The following ADAMTSL1 variants were observed in gnomAD, a reference collection of about 807,000 sequenced individuals.
ADAMTSL1 encodes ADAMTS like 1.
A neutral mutation model predicts 201.8 loss-of-function variants in ADAMTSL1; 126 were observed. The ratio of observed to expected loss-of-function variants is 0.62; its 90% CI spans 0.54 to 0.72. The LOEUF (loss-of-function observed/expected upper bound fraction) is 0.72. Ranked by LOEUF, ADAMTSL1 falls within the 30% of genes least tolerant of loss-of-function variation. ADAMTSL1 has a pLI of 0.00. For synonymous variants in ADAMTSL1, 1,121 were observed against 903.4 expected (o/e 1.24, Z -4.32); for missense variants, 2,679 against 2,277.8 (o/e 1.18, Z -3.59).
At chr9:18,361,190 A>G (rs1563912402) in intron 2 of ADAMTSL1, among the ~76,000 whole-genome samples, 1 of 152,342 alleles carries the variant, frequency 6.6e-6, no homozygotes, top group Non-Finnish European at 1.5e-5. Context: ...AACCATCTGT[A>G]ATGTATCTAG....
intron 2 of ADAMTSL1, among the ~76,000 whole-genome samples, chr9:18,342,080 AT>A (rs1224755955): frequency 3.3e-5 from 5 of 151,928 alleles, no homozygotes; most frequent in African/African-American, 9.7e-5. Flanking sequence ...TCATGCTGCC[AT>A]TTTTTCCCAC....
intron 23 of ADAMTSL1, among the ~76,000 whole-genome samples, chr9:18,838,026 T>G (rs779255115): frequency 6.6e-6 from 1 of 152,152 alleles, no homozygotes; most frequent in Non-Finnish European, 1.5e-5. Context: ...GTTTTCATGC[T>G]GCTGTTTTCT....
intron 1 of ADAMTSL1, among the ~76,000 whole-genome samples, chr9:18,031,871 G>A (rs1024728391): frequency 2.0e-5 from 3 of 152,232 alleles, no homozygotes; most frequent in African/African-American, 7.2e-5. Context: ...ATGTCTGTGA[G>A]TGGTCTGATG....
At position 18,740,478 on chromosome 9, in the gene ADAMTSL1, CT is replaced by C. The variant is rs11449360; in HGVS notation, c.2007-12803del. 8.4e-3 allele frequency among the ~76,000 whole-genome samples: 884 copies of C among 105,598 alleles called. 63 individuals are homozygous for C. The highest frequency in any genetic ancestry group is 0.027 in the African/African-American group (734 of 27,362). The allele number at this position is 105,598 out of a possible 152,430, so 69.3% of individuals were successfully genotyped here. A position where few individuals can be genotyped will look rare whatever the true frequency, so the allele number is the denominator to read the frequency against. Reference sequence around the variant, plus strand: ...CTTTCTTTTTTTTTTTTTCTTTTATCTTTTTTTTTTTTTTTTTGAGAGGAGT... The same window carrying C: ...CTTTCTTTTTTTTTTTTTCTTTTATCTTTTTTTTTTTTTTTTGAGAGGAGT... On this transcript the variant is annotated intron_variant, in intron 15 of 28. Transcript: ENST00000380548.
chr9:18,516,592 T>C (rs1000540793), intron 2 of ADAMTSL1, among the ~76,000 whole-genome samples: 2 of 152,248 alleles, frequency 1.3e-5, no homozygotes, highest in African/African-American at 4.8e-5. Flanking sequence ...ACTTCTATTT[T>C]ATTTTTCATA....
chr9:17,952,214 A>C (rs1033479157), intron 1 of ADAMTSL1, among the ~76,000 whole-genome samples: 2 of 150,172 alleles, frequency 1.3e-5, no homozygotes. Context: ...TCAGCCACCC[A>C]AAGTGCTGGG....
At chr9:18,278,629 G>A (rs375129542) in intron 2 of ADAMTSL1, among the ~76,000 whole-genome samples, 1 of 152,068 alleles carries the variant, frequency 6.6e-6, no homozygotes, top group Non-Finnish European at 1.5e-5. Flanking sequence ...CTCTGTTTCA[G>A]GGAAGATCTT....
rs1351271389 is a variant in ADAMTSL1, at chr9:18,817,203, G to C, written c.3900G>C (p.Gln1300His). The change falls in exon 21 of 29, where the codon CAG (glutamine) becomes CAC (histidine). Residue 1300 changes from glutamine (Q) to histidine (H), a missense_variant. Gln to His is a conservative substitution (Grantham distance 24). Transcript: ENST00000380548. Reference protein sequence around the residue: ...VDIGSTIKTVQGVNVTINCQV... With the variant: ...VDIGSTIKTVHGVNVTINCQV... ...TAGGAAGCACCATCAAAACAGTGCA[G>C]GGAGTGAATGTGACAATCAACTGCC... 9 of 1,563,976 alleles carry C rather than the reference G, an allele frequency of 5.8e-6. No homozygotes were observed. Among genetic ancestry groups the C allele is most frequent in the Non-Finnish European group, 7.8e-6 (9 of 1,153,500 alleles).
intron 1 of ADAMTSL1, among the ~76,000 whole-genome samples, chr9:18,030,694 A>G (rs1170322533): frequency 6.6e-6 from 1 of 152,110 alleles, no homozygotes; most frequent in East Asian, 1.9e-4. Flanking sequence ...AATTTACTAG[A>G]GAGAATTGAC....
At chr9:18,691,060 T>A (rs1587909451) in intron 13 of ADAMTSL1, among the ~76,000 whole-genome samples, 1 of 152,230 alleles carries the variant, frequency 6.6e-6, no homozygotes, top group African/African-American at 2.4e-5. Context: ...TGAGTACTGG[T>A]TGTCTATCCA....
intron 1 of ADAMTSL1, among the ~76,000 whole-genome samples, chr9:18,104,647 C>G (rs1450658050): frequency 2.0e-5 from 3 of 152,142 alleles, no homozygotes; most frequent in Non-Finnish European, 4.4e-5. Flanking sequence ...TCAATATACA[C>G]TCTTCAGGTG....
At chr9:18,831,049 G>A (rs988415991) in intron 23 of ADAMTSL1, among the ~76,000 whole-genome samples, 6 of 152,174 alleles carry the variant, frequency 3.9e-5, no homozygotes, top group Non-Finnish European at 8.8e-5. Flanking sequence ...ACAGGGGCCT[G>A]GTATCTTTAG....
At chr9:18,504,112 T>C (rs989556960) in intron 1 of ADAMTSL1, among the ~76,000 whole-genome samples, 4 of 152,100 alleles carry the variant, frequency 2.6e-5, no homozygotes, top group African/African-American at 9.7e-5. Flanking sequence ...ATAGAACTTG[T>C]ACCCAAACTC....
At chr9:17,906,793 G>C (rs1249558884) in exon 1 of ADAMTSL1, 1 of 152,270 alleles carries the variant, frequency 6.6e-6, no homozygotes, top group Non-Finnish European at 1.5e-5. Context: ...CTTCGAGGGA[G>C]GGGTCTCGCC....
chr9:18,324,157 T>C (rs982439457), intron 2 of ADAMTSL1, among the ~76,000 whole-genome samples: 1 of 152,146 alleles, frequency 6.6e-6, no homozygotes, highest in African/African-American at 2.4e-5. Flanking sequence ...ACCAGAAATA[T>C]AGCCATATGT....
At position 18,069,422 on chromosome 9, in the gene ADAMTSL1, T is replaced by C. The variant is rs565108713; in HGVS notation, c.88-94440T>C. ...CGTATTATATACATACATACATACA[T>C]ACACATATATGGAAAATGCAAACAC... On this transcript the variant is annotated intron_variant, in intron 1 of 29. Transcript: ENST00000680146. 2.0e-5 allele frequency among the ~76,000 whole-genome samples: 3 copies of C among 152,276 alleles called. No individual in the cohort carries two copies. In the East Asian group the frequency reaches 5.8e-4, roughly 29 times the overall value.
chr9:18,173,443 C>G (rs1449471760), intron 2 of ADAMTSL1, among the ~76,000 whole-genome samples: 1 of 152,086 alleles, frequency 6.6e-6, no homozygotes, highest in Non-Finnish European at 1.5e-5. Context: ...AGGAGAGGGA[C>G]TCTTTTTTTA....
intron 2 of ADAMTSL1, among the ~76,000 whole-genome samples, chr9:18,301,961 G>C (rs979720717): frequency 6.6e-6 from 1 of 152,164 alleles, no homozygotes; most frequent in African/African-American, 2.4e-5. Flanking sequence ...CAAGTCCCCT[G>C]CACCTCAGAC....
chr9:18,593,499 T>C (rs1249553795), intron 4 of ADAMTSL1, among the ~76,000 whole-genome samples: 1 of 152,098 alleles, frequency 6.6e-6, no homozygotes, highest in African/African-American at 2.4e-5. Flanking sequence ...TGTTAAATTG[T>C]TTATTTGAAA....
Sources: gnomAD v4.1 joint callset for allele counts (sites outside exome capture counted in the v4.1 genomes callset) on GRCh38, gnomAD v4.1.1 for gene constraint, MANE v1.5 for transcripts, NCBI Gene and HGNC (gene_info 2026-07-23, HGNC 2026-07-21) for gene names.